SLIT1: variants seen among roughly 807,000 people sequenced by gnomAD.
SLIT1 encodes slit homolog 1 protein.
Under a neutral mutation model 186.1 loss-of-function variants are expected in SLIT1, and 66 were observed. The observed-to-expected ratio is 0.35, with a 90% CI of 0.29 to 0.44. SLIT1 has a LOEUF of 0.44. SLIT1 is among the 20% of genes least tolerant of loss of function. The pLI is 1.00. For missense variants in SLIT1, 1,638 were observed against 2,037.4 expected, an observed-to-expected ratio of 0.80 and a Z score of 3.77; for synonymous variants, 761 against 833.8, an observed-to-expected ratio of 0.91 and a Z score of 1.50.
intron 4 of SLIT1, among the ~76,000 whole-genome samples, chr10:97,066,540 G>A (rs910949865): frequency 3.9e-5 from 6 of 152,092 alleles, no homozygotes; most frequent in African/African-American, 7.2e-5. Flanking sequence ...CTGACTTCTC[G>A]ATGGCATGTG....
intron 4 of SLIT1, among the ~76,000 whole-genome samples, chr10:97,082,591 T>A (rs1182582836): frequency 1.3e-5 from 2 of 151,994 alleles, no homozygotes; most frequent in Admixed American, 1.3e-4. Context: ...CCCGCCACCA[T>A]GCCCAGCTAA....
intron 13 of SLIT1, among the ~76,000 whole-genome samples, chr10:97,051,085 G>A (rs1848782206): frequency 6.6e-6 from 1 of 152,180 alleles, no homozygotes. Flanking sequence ...TTCTGGCAGT[G>A]GAAGGAAAGG....
chr10:97,094,105 T>C (rs1263537015), intron 4 of SLIT1, among the ~76,000 whole-genome samples: 4 of 152,178 alleles, frequency 2.6e-5, no homozygotes, highest in Admixed American at 6.5e-5. Context: ...GGCAGCTAGG[T>C]CACCCTGCCC....
chr10:97,094,645 G>A (rs116216544), intron 4 of SLIT1, among the ~76,000 whole-genome samples: 3,137 of 152,304 alleles, frequency 0.021, 106 homozygotes, highest in African/African-American at 0.069. Flanking sequence ...TGTGGAGCAG[G>A]TGACGGCAGC....
rs908124881 is a variant in SLIT1 at position 97,034,324 on chromosome 10, C to A, written c.2438+147G>T. On this transcript the variant is annotated intron_variant, in intron 23 of 36. Transcript: ENST00000266058. ...ACAATGAAAGATGTTTTTTCAAAGTCTTTTAGGCTCTCAGGCCCGGCACCC... is the reference window on the plus strand; with the variant it reads ...ACAATGAAAGATGTTTTTTCAAAGTATTTTAGGCTCTCAGGCCCGGCACCC... 1.7e-5 allele frequency: 12 copies of A among 685,792 alleles called. No homozygotes were observed. The African/African-American group carries it at 2.0e-4, about 11-fold the overall frequency. 42.5% of individuals were successfully genotyped at this position (685,792 alleles called of 1,614,324 possible).
At chr10:97,120,696 C>T (rs545368066) in intron 4 of SLIT1, among the ~76,000 whole-genome samples, 3 of 152,190 alleles carry the variant, frequency 2.0e-5, no homozygotes, top group East Asian at 3.9e-4. Context: ...GCTAAGCGGC[C>T]GACACCTCCG....
At chr10:97,086,783 G>A (rs1260356739) in intron 4 of SLIT1, among the ~76,000 whole-genome samples, 1 of 152,096 alleles carries the variant, frequency 6.6e-6, no homozygotes, top group African/African-American at 2.4e-5. Flanking sequence ...GAGCACAGAG[G>A]ACTTTTAGGG....
At chr10:97,149,883 T>C (rs942937385) in intron 4 of SLIT1, among the ~76,000 whole-genome samples, 10 of 152,184 alleles carry the variant, frequency 6.6e-5, no homozygotes, top group African/African-American at 1.9e-4. Context: ...AGACGCAACA[T>C]TCCACATCTG....
chr10:97,008,768 G>A (rs1223504185), intron 31 of SLIT1, among the ~76,000 whole-genome samples: 3 of 151,322 alleles, frequency 2.0e-5, no homozygotes, highest in Admixed American at 2.0e-4. Flanking sequence ...CAAAATCCCA[G>A]TTGACTTCTT....
intron 23 of SLIT1, among the ~76,000 whole-genome samples, chr10:97,033,888 A>G (rs1044925843): frequency 2.0e-4 from 28 of 142,692 alleles, no homozygotes; most frequent in Non-Finnish European, 3.6e-4. Context: ...TTTCTGAGAC[A>G]GAGTCTCGCT....
rs1399729428 is a variant in SLIT1, at chr10:97,006,820, T to C, written c.3342-100A>G. 2 of 810,448 alleles carry C rather than the reference T, an allele frequency of 2.5e-6. No homozygotes were observed. The highest frequency in any genetic ancestry group is 4.6e-5 in the Admixed American group (2 of 43,416). The allele number at this position is 810,448 out of a possible 1,614,324, so 50.2% of individuals were successfully genotyped here. ...AAATTCACTAAACATCTTGGGAAAA[T>C]GGATTCTTAAAGCGACAGAAGATGC... is the stretch of plus-strand genomic sequence containing the variant. On this transcript the variant is annotated intron_variant, in intron 31 of 36. Coordinates refer to ENST00000266058, the MANE Select transcript of SLIT1 (RefSeq NM_003061.3). The surrounding 1 kb of genome is among the most constrained non-coding windows in gnomAD (Gnocchi z 4.0).
intron 1 of SLIT1, among the ~76,000 whole-genome samples, chr10:97,173,117 T>C (rs1354381362): frequency 4.6e-5 from 7 of 152,094 alleles, no homozygotes; most frequent in African/African-American, 1.7e-4. Flanking sequence ...AGCAAGGAAA[T>C]AGCGTCCTTA....
At chr10:97,031,828 G>C in intron 23 of SLIT1, 151 bp from the exon 24 acceptor site, 2 of 617,586 alleles carry the variant, frequency 3.2e-6, no homozygotes, top group South Asian at 4.0e-5. Flanking sequence ...GCATGGGCTG[G>C]GCTGCGCCCT....
chr10:97,168,202 A>G (rs1850144536), intron 1 of SLIT1, among the ~76,000 whole-genome samples: 1 of 152,230 alleles, frequency 6.6e-6, no homozygotes, highest in Non-Finnish European at 1.5e-5. Flanking sequence ...TTATAAACCA[A>G]CATAATATCC....
intron 4 of SLIT1, among the ~76,000 whole-genome samples, chr10:97,088,744 GGGAGCACCTTCA>G (rs1312848604): frequency 6.6e-6 from 1 of 152,126 alleles, no homozygotes; most frequent in African/African-American, 2.4e-5. Context: ...AGTGAGTGAG[GGGAGCACCTTCA>G]GAAGCCAGGA....
intron 1 of SLIT1, among the ~76,000 whole-genome samples, chr10:97,179,807 C>CCG (rs1554855925): frequency 5.3e-5 from 8 of 150,650 alleles, no homozygotes; most frequent in South Asian, 4.3e-4. Flanking sequence ...CCCTCCCCGC[C>CCG]CCCCGGCACA....
chr10:97,071,375 C>G (rs540785642), intron 4 of SLIT1, among the ~76,000 whole-genome samples: 1 of 152,158 alleles, frequency 6.6e-6, no homozygotes, highest in Non-Finnish European at 1.5e-5. Flanking sequence ...TCAGCCCAGC[C>G]GACCACTCAC....
chr10:97,021,575 T>G lies in SLIT1; in HGVS notation c.2583-162A>C, dbSNP rs9665707. On this transcript the variant is annotated intron_variant, in intron 25 of 36. Transcript: ENST00000266058. This position sits in a 1 kb window ranked among gnomAD's most constrained non-coding sequence, Gnocchi z 4.5. ...CAGTGCTGCTTTTTTTTTTTTTTCT[T>G]TTTTTGAGATGGAGTGTCGCTCTGT... Among the ~76,000 whole-genome samples the G allele has an allele frequency of 2.0e-5, 3 of 151,934 alleles. No individual in the cohort carries two copies. Among genetic ancestry groups the G allele is most frequent in the Non-Finnish European group, 2.9e-5 (2 of 67,982 alleles).
intron 2 of SLIT1, among the ~76,000 whole-genome samples, chr10:97,164,291 GA>G (rs1402632051): frequency 2.7e-5 from 4 of 148,782 alleles, no homozygotes; most frequent in African/African-American, 9.9e-5. Flanking sequence ...GCAGGGGGGG[GA>G]ACCGCCACCA....
Sources: gnomAD v4.1 joint callset for allele counts (sites outside exome capture counted in the v4.1 genomes callset) on GRCh38, gnomAD v4.1.1 for gene constraint, Gnocchi (gnomAD v3.1) non-coding constraint, MANE v1.5 for transcripts, NCBI Gene and HGNC (gene_info 2026-07-23, HGNC 2026-07-21) for gene names.